Variants in CAPZB observed in about 807,000 individuals in gnomAD.
CAPZB encodes capping actin protein of muscle Z-line subunit beta.
CAPZB carries 2 observed loss-of-function variants against 38.1 expected under a neutral mutation model. The ratio of observed to expected loss-of-function variants is 0.05; its 90% CI spans 0.02 to 0.17. The LOEUF is 0.17. CAPZB is among the 10% of genes least tolerant of loss of function. The pLI, the probability that CAPZB is intolerant of heterozygous loss-of-function variation, is 1.00. For synonymous variants in CAPZB, 107 were observed against 127.4 expected (o/e 0.84, Z 1.08); for missense variants, 161 against 334.2 (o/e 0.48, Z 4.04).
At chr1:19,380,564 C>T (rs1389571357) in intron 3 of CAPZB, among the ~76,000 whole-genome samples, 1 of 152,208 alleles carries the variant, frequency 6.6e-6, no homozygotes, top group South Asian at 2.1e-4. Context: ...TGTAGCCTGT[C>T]GCTCCTCCCT....
Position 19,357,656 on chromosome 1 carries a change from C to T in CAPZB, c.330-93G>A, listed in dbSNP as rs2094028998. On this transcript the variant is annotated intron_variant, in intron 4 of 8. Transcript: ENST00000264202. This position sits in a 1 kb window ranked among gnomAD's most constrained non-coding sequence, Gnocchi z 4.3. ...GCTGCTCAGCAAAGATTCTGGGATT[C>T]AGGGCCCTCCCTGCGACAGTTATGG... 6.2e-6 allele frequency: 8 copies of T among 1,283,406 alleles called. No homozygotes were observed. Among genetic ancestry groups the T allele is most frequent in the African/African-American group, 4.4e-5 (3 of 67,600 alleles). The allele number at this position is 1,283,406 out of a possible 1,614,324, so 79.5% of individuals were successfully genotyped here.
intron 2 of CAPZB, among the ~76,000 whole-genome samples, chr1:19,395,319 C>T (rs1197094215): frequency 6.6e-6 from 1 of 152,206 alleles, no homozygotes; most frequent in Non-Finnish European, 1.5e-5. Flanking sequence ...GAGTCTTCCA[C>T]ATGCCATTAA....
At chr1:19,382,112 T>C (rs1189738115) in intron 3 of CAPZB, among the ~76,000 whole-genome samples, 1 of 152,104 alleles carries the variant, frequency 6.6e-6, no homozygotes, top group African/African-American at 2.4e-5. Context: ...TGGCGTTCAT[T>C]TCAAGGCACC....
In CAPZB at chr1:19,356,630, T is replaced by C; in HGVS notation, c.588+5A>G. 6.2e-7 allele frequency: 1 copy of C among 1,605,134 alleles called. No homozygotes were observed. The highest frequency in any genetic ancestry group is 8.5e-7 in the Non-Finnish European group (1 of 1,171,762). ...TGGCAAGTGGCTATGAGCGGGTAACTCTACCTGTCTGGTAAGGCTGCCTCC... is the reference window on the plus strand; with the variant it reads ...TGGCAAGTGGCTATGAGCGGGTAACCCTACCTGTCTGGTAAGGCTGCCTCC... On this transcript the variant is annotated splice_donor_5th_base_variant and intron_variant, in intron 6 of 8. Coordinates refer to ENST00000264202, the MANE Select transcript of CAPZB (RefSeq NM_004930.5). This position sits in a 1 kb window ranked among gnomAD's most constrained non-coding sequence, Gnocchi z 4.3.
In CAPZB at chr1:19,340,484, G is replaced by A. The variant is rs2268811; in HGVS notation, c.732-867C>T. Among the ~76,000 whole-genome samples the A allele has an allele frequency of 9.6e-3, 1,459 of 152,314 alleles. 54 individuals are homozygous for A. The East Asian group carries it at 0.13, about 14-fold the overall frequency. ...ATGGAGATTTCACAGTTTACAAAAC[G>A]CCTTTCACATATATTATCTCATTTA... On this transcript the variant is annotated intron_variant, in intron 8 of 8. Transcript: ENST00000264202.
chr1:19,482,080 G>A (rs953891057), intron 1 of CAPZB, among the ~76,000 whole-genome samples: 1 of 152,192 alleles, frequency 6.6e-6, no homozygotes, highest in Non-Finnish European at 1.5e-5. Flanking sequence ...CTTCTAACGG[G>A]CGAGGCACCT....
At chr1:19,340,282 G>A (rs769940856) in intron 8 of CAPZB, among the ~76,000 whole-genome samples, 1 of 152,196 alleles carries the variant, frequency 6.6e-6, no homozygotes, top group African/African-American at 2.4e-5. Flanking sequence ...GGCACCATCC[G>A]CTGTTAACTT....
chr1:19,430,006 C>T (rs1426176464), intron 1 of CAPZB, among the ~76,000 whole-genome samples: 1 of 152,182 alleles, frequency 6.6e-6, no homozygotes, highest in African/African-American at 2.4e-5. Context: ...CTCCCTCATG[C>T]AGCTTGCTTT....
intron 2 of CAPZB, among the ~76,000 whole-genome samples, chr1:19,398,025 C>T (rs1300465538): frequency 6.6e-6 from 1 of 152,136 alleles, no homozygotes; most frequent in Non-Finnish European, 1.5e-5. Context: ...CTCACATGTT[C>T]TGTTTAGCAG....
chr1:19,406,035 C>T (rs1490680702), intron 2 of CAPZB, among the ~76,000 whole-genome samples: 3 of 152,198 alleles, frequency 2.0e-5, no homozygotes, highest in Non-Finnish European at 4.4e-5. Context: ...CTCAGGCAGG[C>T]TCTGTGCGTG....
At chr1:19,427,367 G>A (rs1019707493) in intron 1 of CAPZB, among the ~76,000 whole-genome samples, 1 of 152,214 alleles carries the variant, frequency 6.6e-6, no homozygotes, top group African/African-American at 2.4e-5. Flanking sequence ...ACATTCCCGA[G>A]AGGCTTAGCA....
At chr1:19,363,259 A>AGTTTT (rs1558186990) in intron 4 of CAPZB, among the ~76,000 whole-genome samples, 1 of 83,506 alleles carries the variant, frequency 1.2e-5, no homozygotes, top group Non-Finnish European at 2.7e-5. Flanking sequence ...TTAAAAAAAA[A>AGTTTT]ATTTTTTTTT....
intron 4 of CAPZB, among the ~76,000 whole-genome samples, chr1:19,366,335 C>T (rs2094088063): frequency 7.2e-6 from 1 of 138,166 alleles, no homozygotes; most frequent in African/African-American, 3.0e-5. Flanking sequence ...TCATGAGGGA[C>T]ACTTTTTGCT....
At chr1:19,457,567 T>C (rs2094536807) in intron 1 of CAPZB, among the ~76,000 whole-genome samples, 1 of 152,176 alleles carries the variant, frequency 6.6e-6, no homozygotes, top group South Asian at 2.1e-4. Context: ...ACAAAAATAT[T>C]CAACTTTGCC....
intron 2 of CAPZB, among the ~76,000 whole-genome samples, chr1:19,417,694 T>C (rs931162161): frequency 1.3e-5 from 2 of 152,250 alleles, no homozygotes. Context: ...TCCAACTTTA[T>C]ACTTCAGTAT....
chr1:19,385,675 C>A, intron 2 of CAPZB, 49 bp from the exon 3 acceptor site: 1 of 1,613,228 alleles, frequency 6.2e-7, no homozygotes, highest in South Asian at 1.1e-5. Context: ...AACAGCACAC[C>A]AAACTCAGGT....
chr1:19,467,935 G>C (rs1185170050), intron 1 of CAPZB, among the ~76,000 whole-genome samples: 1 of 152,184 alleles, frequency 6.6e-6, no homozygotes, highest in Non-Finnish European at 1.5e-5. Context: ...CACCCCTGCA[G>C]GGCCTAAGAA....
intron 1 of CAPZB, among the ~76,000 whole-genome samples, chr1:19,443,299 G>A (rs571022015): frequency 2.1e-4 from 32 of 152,256 alleles, no homozygotes; most frequent in African/African-American, 7.0e-4. Context: ...GGGAGGCTGA[G>A]GCAGAAGGAT....
At position 19,360,860 on chromosome 1, in the gene CAPZB, G is replaced by A. The variant is rs2094049242; in HGVS notation, c.330-3297C>T. Among the ~76,000 whole-genome samples, 2 of 152,134 alleles carry A rather than the reference G, an allele frequency of 1.3e-5. 1 individual carries two copies. Among genetic ancestry groups the A allele is most frequent in the South Asian group, 4.1e-4 (2 of 4,832 alleles). On this transcript the variant is annotated intron_variant, in intron 4 of 8. Coordinates refer to ENST00000264202, the MANE Select transcript of CAPZB (RefSeq NM_004930.5). ...AATGCAAGCTCAATTGTCACTCCTTGTGGGGTTACTATTCTTTTACCCACA... is the reference window on the plus strand; with the variant it reads ...AATGCAAGCTCAATTGTCACTCCTTATGGGGTTACTATTCTTTTACCCACA...
Sources: allele counts gnomAD v4.1 joint callset (sites outside exome capture counted in the v4.1 genomes callset), GRCh38; gene constraint gnomAD v4.1.1; non-coding constraint Gnocchi (gnomAD v3.1); transcripts MANE v1.5; gene names NCBI Gene and HGNC (gene_info 2026-07-23, HGNC 2026-07-21).